The following AVEN variants were observed in gnomAD, a reference collection of about 807,000 sequenced individuals.
The protein encoded by AVEN is apoptosis and caspase activation inhibitor.
AVEN carries 41 observed loss-of-function variants against 38.1 expected under a neutral mutation model. The observed-to-expected ratio is 1.08, with a 90% CI of 0.84 to 1.40. The LOEUF is 1.40. AVEN is among the 40% of genes most tolerant of loss of function. AVEN has a pLI of 0.00. For synonymous variants in AVEN, 206 were observed against 171.8 expected, an observed-to-expected ratio of 1.20 and a Z score of -1.56; for missense variants, 605 against 438.8, an observed-to-expected ratio of 1.38 and a Z score of -3.38.
chr15:33,959,805 A>G (rs1234051474), intron 2 of AVEN, among the ~76,000 whole-genome samples: 4 of 152,248 alleles, frequency 2.6e-5, no homozygotes, highest in Non-Finnish European at 4.4e-5. Flanking sequence ...ACCAATTTCT[A>G]CAACATGGAA....
rs1374739265 is a variant in AVEN, at chr15:33,933,520, CACACAGAGAGAGAGAGAGAGAGAGAG to C, written c.446-57551_446-57526del. On this transcript the variant is annotated intron_variant, in intron 2 of 5. Transcript: ENST00000306730. ...ACACACACACACACACACACACACACACACAGAGAGAGAGAGAGAGAGAGAGAGAGAGAGAGAGAGAGAGAGAGAGA... is the reference window on the plus strand; with the variant it reads ...ACACACACACACACACACACACACACAGAGAGAGAGAGAGAGAGAGAGAGA... 8.8e-4 allele frequency among the ~76,000 whole-genome samples: 73 copies of C among 82,540 alleles called. No individual in the cohort carries two copies. In the East Asian group the frequency reaches 0.01, roughly 12 times the overall value. 54.1% of individuals were successfully genotyped at this position (82,540 alleles called of 152,430 possible).
chr15:34,026,227 A>G (rs1474791106), intron 1 of AVEN, among the ~76,000 whole-genome samples: 1 of 151,888 alleles, frequency 6.6e-6, no homozygotes, highest in Non-Finnish European at 1.5e-5. Context: ...TCCCAGTTTT[A>G]TGAGAAAAGA....
intron 5 of AVEN, 35 bp from the exon 6 acceptor site, chr15:33,866,763 T>TGAG (rs772473789): frequency 3.3e-5 from 48 of 1,466,080 alleles, no homozygotes; most frequent in Admixed American, 8.6e-5. Context: ...CACCCTCAGA[T>TGAG]GAGTCCTAAA....
intron 2 of AVEN, chr15:33,972,262 T>G (rs959788778): frequency 4.6e-5 from 7 of 151,958 alleles, no homozygotes; most frequent in African/African-American, 1.7e-4. Flanking sequence ...CCTAGAGAAC[T>G]GAGAAATAGA....
the AVEN span, chr15:33,853,197 A>G: frequency 3.0e-5 from 31 of 1,041,954 alleles, no homozygotes; most frequent in South Asian, 2.1e-4. Flanking sequence ...TTTTATGATA[A>G]TATCTCAAGA....
At chr15:34,047,729 G>T (rs1388471103) in intron 5 of AVEN, among the ~76,000 whole-genome samples, 3 of 151,304 alleles carry the variant, frequency 2.0e-5, no homozygotes, top group Non-Finnish European at 4.4e-5. Flanking sequence ...TCAGTTGGTG[G>T]CCAGACTGCT....
chr15:33,854,539 C>G, downstream of AVEN: 1 of 1,171,564 alleles, frequency 8.5e-7, no homozygotes, highest in South Asian at 1.5e-5. Flanking sequence ...CAGAAGGGTT[C>G]AGGGATTGCT....
intron 1 of AVEN, among the ~76,000 whole-genome samples, chr15:34,017,239 C>T (rs1897958486): frequency 6.6e-6 from 1 of 152,136 alleles, no homozygotes; most frequent in African/African-American, 2.4e-5. Context: ...ATCCAAAAGC[C>T]TAGAACTGAG....
At chr15:33,906,965 G>A (rs1892728492) in intron 2 of AVEN, among the ~76,000 whole-genome samples, 1 of 152,072 alleles carries the variant, frequency 6.6e-6, no homozygotes, top group African/African-American at 2.4e-5. Flanking sequence ...GGAAGGGGGT[G>A]TACACAAATT....
intron 2 of AVEN, among the ~76,000 whole-genome samples, chr15:33,950,253 G>A (rs1253803861): frequency 6.6e-6 from 1 of 152,192 alleles, no homozygotes; most frequent in Non-Finnish European, 1.5e-5. Flanking sequence ...CAAACTTTCA[G>A]TTATGAGTAA....
At chr15:33,953,444 T>G (rs1292672439) in intron 2 of AVEN, among the ~76,000 whole-genome samples, 1 of 152,046 alleles carries the variant, frequency 6.6e-6, no homozygotes, top group Non-Finnish European at 1.5e-5. Flanking sequence ...AACAGAGATA[T>G]AGACCAATGG....
chr15:33,867,547 C>T lies in AVEN; in HGVS notation c.921G>A (p.Thr307=), dbSNP rs962239922. The T allele has an allele frequency of 2.0e-5, 32 of 1,611,264 alleles. No individual in the cohort carries two copies. The highest frequency in any genetic ancestry group is 5.0e-5 in the Admixed American group (3 of 59,680). ...KEGDNILPDQ[T]SQDLKSKEDG... is the part of the protein sequence containing the mutation. ...CTTCCTTGGATTTCAGGTCCTGAGA[C>T]GTCTGATCTGGTAAGATGTTATCTC... Residue 307 remains threonine, a synonymous_variant, in exon 5 of 6, where the codon ACG becomes ACA. Coordinates refer to ENST00000306730, the MANE Select transcript of AVEN (RefSeq NM_020371.3).
chr15:33,944,458 A>G (rs143480483), intron 2 of AVEN, among the ~76,000 whole-genome samples: 33 of 152,312 alleles, frequency 2.2e-4, no homozygotes, highest in African/African-American at 7.5e-4. Flanking sequence ...CAAAGTTTCC[A>G]TGTTAAGCAC....
chr15:34,044,707 G>C (rs1053211329), intron 5 of AVEN, among the ~76,000 whole-genome samples: 2 of 147,838 alleles, frequency 1.4e-5, no homozygotes, highest in African/African-American at 2.7e-5. Flanking sequence ...AATGGGTCCA[G>C]TTTATGCCTT....
chr15:33,878,372 A>C (rs1043210100), intron 2 of AVEN, among the ~76,000 whole-genome samples: 1 of 152,210 alleles, frequency 6.6e-6, no homozygotes, highest in Non-Finnish European at 1.5e-5. Flanking sequence ...ATGGAAACTT[A>C]GATATCGTAA....
chr15:33,928,045 T>C (rs749581825), intron 2 of AVEN, among the ~76,000 whole-genome samples: 1 of 152,194 alleles, frequency 6.6e-6, no homozygotes, highest in Non-Finnish European at 1.5e-5. Context: ...AGGTTTGGAA[T>C]GTATAAAGAA....
At chr15:34,016,435 G>C (rs1897915755) in intron 1 of AVEN, among the ~76,000 whole-genome samples, 1 of 152,140 alleles carries the variant, frequency 6.6e-6, no homozygotes, top group African/African-American at 2.4e-5. Flanking sequence ...TCAATTATCT[G>C]CTTCCTGGTA....
intron 1 of AVEN, among the ~76,000 whole-genome samples, chr15:34,014,199 C>T (rs1055391312): frequency 2.0e-5 from 3 of 151,868 alleles, no homozygotes; most frequent in African/African-American, 7.3e-5. Context: ...CCCATCTCTA[C>T]TAAAAATATG....
At chr15:34,058,592 A>ACACG (rs1900236677) in intron 5 of AVEN, among the ~76,000 whole-genome samples, 1 of 151,154 alleles carries the variant, frequency 6.6e-6, no homozygotes, top group Non-Finnish European at 1.5e-5. Context: ...ACACACACAC[A>ACACG]CAGCCTGAAG....
Sources: allele counts gnomAD v4.1 joint callset (sites outside exome capture counted in the v4.1 genomes callset), GRCh38; gene constraint gnomAD v4.1.1; transcripts MANE v1.5; gene names NCBI Gene and HGNC (gene_info 2026-07-23, HGNC 2026-07-21).